The following DLG2 variants were observed in gnomAD, a reference collection of about 807,000 sequenced individuals.
The protein encoded by DLG2 is disks large homolog 2.
A neutral mutation model predicts 132.5 loss-of-function variants in DLG2; 45 were observed. The observed-to-expected ratio is 0.34, with a 90% CI of 0.27 to 0.44. DLG2 has a LOEUF of 0.44. Ranked by LOEUF, DLG2 falls within the 20% of genes least tolerant of loss-of-function variation. The pLI is 1.00. For synonymous variants in DLG2, 424 were observed against 419.6 expected, an observed-to-expected ratio of 1.01 and a Z score of -0.13; for missense variants, 1,045 against 1,196.9, an observed-to-expected ratio of 0.87 and a Z score of 1.87.
At chr11:85,274,777 G>C (rs866770122) in intron 4 of DLG2, among the ~76,000 whole-genome samples, 1 of 152,106 alleles carries the variant, frequency 6.6e-6, no homozygotes, top group Non-Finnish European at 1.5e-5. Flanking sequence ...TAAATTATCT[G>C]TTTGATCGTA....
intron 7 of DLG2, among the ~76,000 whole-genome samples, chr11:84,486,524 T>C (rs1465060354): frequency 1.3e-5 from 2 of 152,148 alleles, no homozygotes; most frequent in Non-Finnish European, 2.9e-5. Context: ...GAACCACATA[T>C]TAATTATTTA....
intron 6 of DLG2, among the ~76,000 whole-genome samples, chr11:85,006,771 C>A (rs975846408): frequency 2.4e-4 from 37 of 152,056 alleles, no homozygotes; most frequent in African/African-American, 8.0e-4. Context: ...CTTCTGCTAG[C>A]TTTTGAGTTT....
At chr11:83,942,267 A>G (rs1055355246) in intron 14 of DLG2, among the ~76,000 whole-genome samples, 2 of 152,212 alleles carry the variant, frequency 1.3e-5, no homozygotes, top group Non-Finnish European at 2.9e-5. Context: ...GGCATTAAAA[A>G]CTTTCCTATG....
At chr11:85,085,029 G>C (rs1282778539) in intron 6 of DLG2, among the ~76,000 whole-genome samples, 1 of 152,040 alleles carries the variant, frequency 6.6e-6, no homozygotes, top group African/African-American at 2.4e-5. Flanking sequence ...CTCACACTTT[G>C]TATATCTACC....
rs1027027899 is a variant in DLG2, at chr11:83,859,586, C to T, written c.1565+14834G>A. On this transcript the variant is annotated intron_variant, in intron 16 of 27. Transcript: ENST00000376104. ...TGACTTGGGTGCTGTTAAAGGCATT[C>T]AGTTTTAAAAGGCAGAGCATAAAAG... Among the ~76,000 whole-genome samples the T allele has an allele frequency of 9.2e-5, 14 of 152,116 alleles. 1 individual carries two copies. Among genetic ancestry groups the T allele is most frequent in the Non-Finnish European group, 1.0e-4 (7 of 68,024 alleles).
intron 15 of DLG2, among the ~76,000 whole-genome samples, chr11:83,895,806 A>T (rs1565540316): frequency 6.6e-6 from 1 of 152,218 alleles, no homozygotes. Flanking sequence ...ACATAGCAGT[A>T]AAGCACTATT....
intron 7 of DLG2, among the ~76,000 whole-genome samples, chr11:84,326,479 TTGAC>T (rs2098433503): frequency 6.6e-6 from 1 of 152,200 alleles, no homozygotes. Context: ...GATTTCTTCT[TTGAC>T]CTATTGGTTA....
intron 6 of DLG2, among the ~76,000 whole-genome samples, chr11:84,950,778 G>A (rs993948119): frequency 1.3e-5 from 2 of 151,498 alleles, no homozygotes; most frequent in Non-Finnish European, 1.5e-5. Flanking sequence ...GCCTATCTGC[G>A]GATATCTGTG....
At chr11:85,311,147 C>A (rs549946878) in intron 3 of DLG2, among the ~76,000 whole-genome samples, 1 of 152,104 alleles carries the variant, frequency 6.6e-6, no homozygotes, top group Non-Finnish European at 1.5e-5. Context: ...TGACCCACAG[C>A]CTAAAATATT....
At chr11:84,277,888 T>C (rs2097798270) in intron 7 of DLG2, among the ~76,000 whole-genome samples, 1 of 152,126 alleles carries the variant, frequency 6.6e-6, no homozygotes, top group Admixed American at 6.5e-5. Context: ...CATGAGGAGC[T>C]AATAAGGAAA....
chr11:85,085,072 T>C (rs1028182108), intron 6 of DLG2, among the ~76,000 whole-genome samples: 1 of 152,140 alleles, frequency 6.6e-6, no homozygotes, highest in Middle Eastern at 3.2e-3. Flanking sequence ...ATTCTGTTGG[T>C]TATTTTTTCA....
At chr11:83,481,782 T>TATC (rs1478233064) in intron 22 of DLG2, among the ~76,000 whole-genome samples, 1 of 152,158 alleles carries the variant, frequency 6.6e-6, no homozygotes, top group Non-Finnish European at 1.5e-5. Context: ...TGGAGATTAT[T>TATC]ATCTTAAGTG....
chr11:84,781,796 A>T (rs368438883), intron 6 of DLG2, among the ~76,000 whole-genome samples: 2 of 152,148 alleles, frequency 1.3e-5, no homozygotes, highest in Non-Finnish European at 2.9e-5. Context: ...AGGAAACAAG[A>T]TATTTCCATG....
chr11:85,236,662 G>A (rs2075603412), intron 4 of DLG2, among the ~76,000 whole-genome samples: 2 of 152,030 alleles, frequency 1.3e-5, no homozygotes, highest in South Asian at 4.1e-4. Context: ...TGTGTCAGAT[G>A]TTTTATGCAT....
intron 18 of DLG2, among the ~76,000 whole-genome samples, chr11:83,770,498 G>C (rs2094351257): frequency 6.6e-6 from 1 of 152,156 alleles, no homozygotes; most frequent in Non-Finnish European, 1.5e-5. Context: ...CATTCAAGGA[G>C]AGGTATAGCT....
chr11:84,085,684 A>C (rs2096967357), intron 10 of DLG2, among the ~76,000 whole-genome samples: 2 of 152,206 alleles, frequency 1.3e-5, no homozygotes, highest in Non-Finnish European at 2.9e-5. Flanking sequence ...CTGGGCTGGA[A>C]GTTTAGATAT....
chr11:83,498,532 A>C (rs1413006574), intron 21 of DLG2, among the ~76,000 whole-genome samples: 1 of 151,972 alleles, frequency 6.6e-6, no homozygotes, highest in East Asian at 1.9e-4. Context: ...AGATACCAAA[A>C]TTTATAGGAT....
intron 6 of DLG2, among the ~76,000 whole-genome samples, chr11:84,613,106 G>A (rs755641475): frequency 1.7e-4 from 26 of 152,044 alleles, no homozygotes; most frequent in Non-Finnish European, 3.1e-4. Context: ...ACTGCAAGAC[G>A]CTGGGGACTG....
At chr11:84,205,243 G>A (rs2096650162) in intron 8 of DLG2, among the ~76,000 whole-genome samples, 1 of 152,070 alleles carries the variant, frequency 6.6e-6, no homozygotes, top group African/African-American at 2.4e-5. Flanking sequence ...AATAGAAGGA[G>A]CAAAAACTTA....
Sources: gnomAD v4.1 joint callset for allele counts (sites outside exome capture counted in the v4.1 genomes callset) on GRCh38, gnomAD v4.1.1 for gene constraint, MANE v1.5 for transcripts, NCBI Gene and HGNC (gene_info 2026-07-23, HGNC 2026-07-21) for gene names.